Variants in TGS1 observed in about 807,000 individuals in gnomAD.
The protein encoded by TGS1 is trimethylguanosine synthase 1.
Under a neutral mutation model 92.2 loss-of-function variants are expected in TGS1, and 69 were observed. That is an observed-to-expected ratio of 0.75 (90% CI 0.62 to 0.91). The LOEUF (loss-of-function observed/expected upper bound fraction) is 0.91. TGS1 is among the 40% of genes least tolerant of loss of function. The probability of loss-of-function intolerance (pLI) is 0.00; values close to 1 mark genes in which losing one functional copy is unlikely to be tolerated. For synonymous variants in TGS1, 345 were observed against 338.1 expected, an observed-to-expected ratio of 1.02 and a Z score of -0.22; for missense variants, 1,062 against 1,001.2, an observed-to-expected ratio of 1.06 and a Z score of -0.82.
intron 9 of TGS1, 148 bp downstream of exon 9, chr8:55,802,754 C>T: frequency 1.5e-6 from 1 of 688,256 alleles, no homozygotes; most frequent in South Asian, 2.2e-5. Flanking sequence ...TTCTCATTCT[C>T]TCTCCATATG....
chr8:55,811,183 GTGGGCA>G, intron 11 of TGS1, 86 bp downstream of exon 11: 1 of 757,934 alleles, frequency 1.3e-6, no homozygotes, highest in Non-Finnish European at 2.1e-6. Context: ...GTGTGGGTGG[GTGGGCA>G]GGGTGGCTCA....
chr8:55,794,115 A>G (rs1811970900), intron 6 of TGS1, among the ~76,000 whole-genome samples: 1 of 152,176 alleles, frequency 6.6e-6, no homozygotes, highest in African/African-American at 2.4e-5. Context: ...ATTGTTTCCT[A>G]AGATCTAAGC....
At chr8:55,799,733 C>G (rs1172200549) in intron 8 of TGS1, among the ~76,000 whole-genome samples, 1 of 151,992 alleles carries the variant, frequency 6.6e-6, no homozygotes, top group Non-Finnish European at 1.5e-5. Context: ...TACCACCATG[C>G]CTGCTTAATT....
chr8:55,815,811 C>T (rs1803457378), intron 12 of TGS1, among the ~76,000 whole-genome samples: 1 of 151,936 alleles, frequency 6.6e-6, no homozygotes, highest in Admixed American at 6.6e-5. Flanking sequence ...ACATGCATTT[C>T]TTGCTAAGAA....
chr8:55,819,503 G>A (rs1803577262), intron 12 of TGS1, among the ~76,000 whole-genome samples: 1 of 149,696 alleles, frequency 6.7e-6, no homozygotes, highest in South Asian at 2.1e-4. Flanking sequence ...TCTCCATGTT[G>A]GTCAGGCTGG....
At chr8:55,807,922 G>A (rs1255953625) in intron 10 of TGS1, among the ~76,000 whole-genome samples, 3 of 152,142 alleles carry the variant, frequency 2.0e-5, no homozygotes, top group Non-Finnish European at 4.4e-5. Context: ...CATTTCAACA[G>A]ATTTCTACTG....
chr8:55,799,309 T>A (rs1037298410), intron 8 of TGS1, 89 bp downstream of exon 8: 297 of 1,244,150 alleles, frequency 2.4e-4, no homozygotes, highest in Non-Finnish European at 3.0e-4. Context: ...CTTGTGAATC[T>A]TCTGTACCTA....
intron 11 of TGS1, among the ~76,000 whole-genome samples, chr8:55,812,791 C>G (rs1803373424): frequency 6.6e-6 from 1 of 152,122 alleles, no homozygotes; most frequent in Non-Finnish European, 1.5e-5. Context: ...TTTATTCTGA[C>G]TCTTGCCTAG....
chr8:55,813,270 A>G, intron 12 of TGS1, 152 bp downstream of exon 12: 1 of 597,878 alleles, frequency 1.7e-6, no homozygotes, highest in South Asian at 2.3e-5. Context: ...TCTGGAAGTT[A>G]GATCCATGTC....
Position 55,802,497 on chromosome 8 carries a change from G to A in TGS1, c.1890G>A (p.Lys630=), listed in dbSNP as rs1175941394. The A allele has an allele frequency of 3.1e-6, 5 of 1,613,890 alleles. No homozygotes were observed. Among genetic ancestry groups the A allele is most frequent in the Non-Finnish European group, 4.2e-6 (5 of 1,179,950 alleles). ...AGAAGAACAAGAAGAAGAACAAAAAGGTGAATGGTCTGCCTCCTGAAATAG... is the reference window on the plus strand; with the variant it reads ...AGAAGAACAAGAAGAAGAACAAAAAAGTGAATGGTCTGCCTCCTGAAATAG... ...KKKKNKKKNK[K]VNGLPPEIAA... The change falls in exon 9 of 13, where the codon AAG becomes AAA. Residue 630 remains lysine (K), a synonymous_variant. Coordinates refer to ENST00000260129, the MANE Select transcript of TGS1 (RefSeq NM_024831.8).
intron 1 of TGS1, among the ~76,000 whole-genome samples, chr8:55,780,045 C>T (rs112873219): frequency 0.015 from 2,261 of 151,764 alleles, 65 homozygotes; most frequent in African/African-American, 0.051. Context: ...TTAGTAGAGA[C>T]AGGGTTTCAC....
intron 12 of TGS1, among the ~76,000 whole-genome samples, chr8:55,824,126 A>G (rs1008571984): frequency 3.3e-5 from 5 of 152,152 alleles, no homozygotes; most frequent in Admixed American, 6.5e-5. Context: ...AAAAAACAAA[A>G]TAAATAAATA....
intron 6 of TGS1, among the ~76,000 whole-genome samples, chr8:55,793,518 A>G (rs926823996): frequency 3.9e-5 from 6 of 152,002 alleles, no homozygotes; most frequent in Admixed American, 1.3e-4. Context: ...CGTCCCTCCA[A>G]ATTTACTGTT....
At chr8:55,814,268 T>C (rs902292214) in intron 12 of TGS1, among the ~76,000 whole-genome samples, 3 of 152,106 alleles carry the variant, frequency 2.0e-5, no homozygotes, top group Non-Finnish European at 4.4e-5. Context: ...TTAAAAAAAC[T>C]ACTGATACTG....
At chr8:55,794,067 A>G (rs1169413740) in intron 6 of TGS1, among the ~76,000 whole-genome samples, 1 of 152,184 alleles carries the variant, frequency 6.6e-6, no homozygotes. Context: ...AAATGAGGGC[A>G]TTGTGTTTTA....
intron 12 of TGS1, among the ~76,000 whole-genome samples, chr8:55,813,590 A>T (rs986941775): frequency 1.3e-5 from 2 of 152,164 alleles, no homozygotes; most frequent in Non-Finnish European, 2.9e-5. Context: ...ATTTCACTGT[A>T]ATGTTGCTAA....
rs1811742140 is a variant in TGS1 at position 55,787,081 on chromosome 8, T to A, written c.1162+21T>A. ...TGAGGGTAAGATTAACCAAGATTTA[T>A]TCTGCCATGTAATGGTTAGCAAAAT... is the stretch of plus-strand genomic sequence containing the variant. On this transcript the variant is annotated intron_variant, in intron 4 of 12. Transcript: ENST00000260129. The A allele has an allele frequency of 1.9e-6, 3 of 1,566,866 alleles. No homozygotes were observed. In the East Asian group the frequency reaches 6.7e-5, roughly 35 times the overall value.
chr8:55,801,052 G>GT (rs1418952171), intron 8 of TGS1, among the ~76,000 whole-genome samples: 3 of 152,180 alleles, frequency 2.0e-5, no homozygotes, highest in Non-Finnish European at 4.4e-5. Context: ...AGTGACCCTT[G>GT]TTTCAGTTTC....
At position 55,773,489 on chromosome 8, in the gene TGS1, C is replaced by T. The variant is rs968507304; in HGVS notation, c.-130C>T. The T allele has an allele frequency of 1.4e-5, 9 of 624,156 alleles. No individual in the cohort carries two copies. Among genetic ancestry groups the T allele is most frequent in the Admixed American group, 3.9e-5 (1 of 25,884 alleles). The allele number at this position is 624,156 out of a possible 1,614,324, so 38.7% of individuals were successfully genotyped here. On this transcript the variant is annotated 5_prime_UTR_variant, in exon 1 of 13. Transcript: ENST00000260129. The stretch of plus-strand genomic sequence containing the variant: ...CGGGCTAGTTCCCGGCGCGAGCGGC[C>T]GCGGGCCAGTTTCTATCTCCTCATC...
Sources: gnomAD v4.1 joint callset for allele counts (sites outside exome capture counted in the v4.1 genomes callset) on GRCh38, gnomAD v4.1.1 for gene constraint, MANE v1.5 for transcripts, NCBI Gene and HGNC (gene_info 2026-07-23, HGNC 2026-07-21) for gene names.